The following CLIP2 variants were observed in gnomAD, a reference collection of about 807,000 sequenced individuals.
The protein encoded by CLIP2 is CAP-Gly domain containing linker protein 2.
CLIP2 carries 41 observed loss-of-function variants against 111.7 expected under a neutral mutation model. That is an observed-to-expected ratio of 0.37 (90% CI 0.29 to 0.48). The LOEUF (loss-of-function observed/expected upper bound fraction) is 0.48, where lower values mean the gene tolerates loss of function less well. CLIP2 is among the 20% of genes least tolerant of loss of function. The probability of loss-of-function intolerance (pLI) is 0.99; values close to 1 mark genes in which losing one functional copy is unlikely to be tolerated. For synonymous variants in CLIP2, 660 were observed against 644.2 expected (o/e 1.02, Z -0.37); for missense variants, 1,160 against 1,422.1 (o/e 0.82, Z 2.96).
In CLIP2 at chr7:74,386,525, G is replaced by A. The variant is rs1391357663; in HGVS notation, c.2484G>A (p.Leu828=). 1.9e-6 allele frequency: 3 copies of A among 1,611,420 alleles called. No homozygotes were observed. Among genetic ancestry groups the A allele is most frequent in the Non-Finnish European group, 2.5e-6 (3 of 1,178,744 alleles). Residue 828 remains leucine (L), a synonymous_variant, in exon 12 of 17, where the codon CTG becomes CTA. Transcript: ENST00000223398. ...TIRTKETVEG[L]QDKLNKRDKE... The stretch of plus-strand genomic sequence containing the variant: ...CGTCTCTCCTCTCTCCCCTAGGCCT[G>A]CAGGACAAGCTGAACAAGAGGGACA...
At chr7:74,388,787 T>A (rs1791192118) in intron 12 of CLIP2, 1 of 196,960 alleles carries the variant, frequency 5.1e-6, no homozygotes, top group Non-Finnish European at 1.0e-5. Flanking sequence ...AGAGTGAGAC[T>A]TTGTCTCCAA....
intron 1 of CLIP2, among the ~76,000 whole-genome samples, chr7:74,309,813 C>T (rs1393792099): frequency 3.8e-5 from 5 of 130,948 alleles, no homozygotes; most frequent in Admixed American, 8.3e-5. Context: ...GGTGACAGAG[C>T]GAGACTCCAT....
At chr7:74,327,338 A>G (rs1184844065) in intron 2 of CLIP2, among the ~76,000 whole-genome samples, 2 of 151,212 alleles carry the variant, frequency 1.3e-5, no homozygotes, top group Non-Finnish European at 3.0e-5. Flanking sequence ...CCTGATCTCA[A>G]GTGATCCACC....
At chr7:74,385,092 C>T (rs1791048569) in intron 11 of CLIP2, among the ~76,000 whole-genome samples, 1 of 114,502 alleles carries the variant, frequency 8.7e-6, no homozygotes, top group African/African-American at 3.5e-5. Flanking sequence ...GCCTGGCGGA[C>T]ATGGTGAAAC....
chr7:74,362,961 A>G (rs1348914357), intron 7 of CLIP2, among the ~76,000 whole-genome samples: 2 of 150,618 alleles, frequency 1.3e-5, no homozygotes, highest in East Asian at 2.0e-4. Context: ...CCTCATTGCT[A>G]TGCCGAGAGC....
At chr7:74,401,649 T>C (rs1554317702) in intron 16 of CLIP2, 82 bp downstream of exon 16, 4 of 1,383,440 alleles carry the variant, frequency 2.9e-6, no homozygotes, top group Non-Finnish European at 4.0e-6. Flanking sequence ...TCACTAAGAA[T>C]ACACACAAAG....
intron 2 of CLIP2, among the ~76,000 whole-genome samples, chr7:74,335,805 C>T (rs1337846531): frequency 6.6e-6 from 1 of 150,452 alleles, no homozygotes; most frequent in East Asian, 1.9e-4. Flanking sequence ...TGCAGTGACG[C>T]GATCTCGGCT....
intron 2 of CLIP2, among the ~76,000 whole-genome samples, chr7:74,319,787 C>T (rs556041698): frequency 3.8e-4 from 58 of 151,006 alleles, no homozygotes; most frequent in Non-Finnish European, 8.3e-4. Context: ...CACCGCTGCA[C>T]TCCAGCCTGA....
chr7:74,323,162 G>A (rs1216674016), intron 2 of CLIP2, among the ~76,000 whole-genome samples: 5 of 151,606 alleles, frequency 3.3e-5, no homozygotes, highest in African/African-American at 1.2e-4. Context: ...CCAGGCTGGA[G>A]TGCAGTGGCG....
chr7:74,338,704 C>T lies in CLIP2; in HGVS notation c.378C>T (p.Gly126=), dbSNP rs781823126. ...PVGKNDGAVG[G]VRYFECPALQ... is the part of the protein sequence containing the mutation. ...GCAAGAATGATGGCGCGGTGGGCGGCGTGCGCTACTTCGAGTGCCCGGCCC... is the reference window on the plus strand; with the variant it reads ...GCAAGAATGATGGCGCGGTGGGCGGTGTGCGCTACTTCGAGTGCCCGGCCC... Residue 126 remains glycine, a synonymous_variant, in exon 3 of 17, where the codon GGC becomes GGT. Coordinates refer to ENST00000223398, the MANE Select transcript of CLIP2 (RefSeq NM_003388.5). The surrounding 1 kb of genome is among the most constrained non-coding windows in gnomAD (Gnocchi z 4.3). The T allele has an allele frequency of 1.1e-5, 18 of 1,586,140 alleles. No individual in the cohort carries two copies. Among genetic ancestry groups the T allele is most frequent in the Admixed American group, 1.1e-4 (6 of 56,468 alleles).
chr7:74,343,491 C>T (rs1328839375), intron 3 of CLIP2, among the ~76,000 whole-genome samples: 1 of 151,940 alleles, frequency 6.6e-6, no homozygotes, highest in Admixed American at 6.6e-5. Context: ...AGAGCCTCAT[C>T]TTCATTCATT....
chr7:74,383,103 CAATT>C (rs1305785696), intron 11 of CLIP2, among the ~76,000 whole-genome samples: 1 of 146,040 alleles, frequency 6.8e-6, no homozygotes, highest in Non-Finnish European at 1.5e-5. Context: ...AAAAAAAAAT[CAATT>C]CTTTTTTAGT....
chr7:74,360,375 G>T, intron 7 of CLIP2, 97 bp downstream of exon 7: 1 of 846,820 alleles, frequency 1.2e-6, no homozygotes, highest in South Asian at 1.6e-5. Context: ...TTCCAGTCCT[G>T]CCCCTGTCAC....
rs534237055 is a variant in CLIP2, at chr7:74,348,883, A to G, written c.679-4997A>G. On this transcript the variant is annotated intron_variant, in intron 3 of 16. Transcript: ENST00000223398. ...ACAAGTAGGTCAGGCGTGATGGCTCATGCCTGTAATCCCAGTACTTTGGGA... is the reference window on the plus strand; with the variant it reads ...ACAAGTAGGTCAGGCGTGATGGCTCGTGCCTGTAATCCCAGTACTTTGGGA... Among the ~76,000 whole-genome samples, 311 of 152,146 alleles carry G rather than the reference A, an allele frequency of 2.0e-3. 1 individual carries two copies. Among genetic ancestry groups the G allele is most frequent in the South Asian group, 5.4e-3 (26 of 4,818 alleles).
chr7:74,347,666 T>C (rs1177321698), intron 3 of CLIP2, among the ~76,000 whole-genome samples: 6 of 152,178 alleles, frequency 3.9e-5, no homozygotes, highest in Non-Finnish European at 7.3e-5. Context: ...AGGAAACTTC[T>C]CTGGAGAAAA....
intron 13 of CLIP2, among the ~76,000 whole-genome samples, chr7:74,394,775 A>G (rs1486749695): frequency 6.6e-6 from 1 of 152,218 alleles, no homozygotes; most frequent in African/African-American, 2.4e-5. Context: ...CCCTCTGCAG[A>G]TGCAGCCTGT....
intron 2 of CLIP2, among the ~76,000 whole-genome samples, chr7:74,336,955 G>A (rs797043019): frequency 7.3e-5 from 11 of 149,754 alleles, no homozygotes; most frequent in African/African-American, 2.5e-4. Flanking sequence ...GTGCTGTCTC[G>A]GCTCACTGTA....
At chr7:74,351,844 T>TAAATA (rs1323512647) in intron 3 of CLIP2, among the ~76,000 whole-genome samples, 16 of 151,220 alleles carry the variant, frequency 1.1e-4, no homozygotes, top group South Asian at 1.0e-3. Context: ...TCAAAATAAA[T>TAAATA]AAATAAAATA....
rs571139366 is a variant in CLIP2 at position 74,360,039 on chromosome 7, C to T, written c.1216-136C>T. On this transcript the variant is annotated intron_variant, in intron 6 of 16. Transcript: ENST00000223398. ...CACACCTAGGCCCACTGTGCATGCC[C>T]GGCAGGTGCCAGCAGGGAAGTTGGG... 1,221 of 655,570 alleles carry T rather than the reference C, an allele frequency of 1.9e-3. 1 individual carries two copies. The highest frequency in any genetic ancestry group is 2.7e-3 in the Non-Finnish European group (1,026 of 383,264). The allele number at this position is 655,570 out of a possible 1,614,324, so 40.6% of individuals were successfully genotyped here.
Sources: allele counts gnomAD v4.1 joint callset (sites outside exome capture counted in the v4.1 genomes callset), GRCh38; gene constraint gnomAD v4.1.1; non-coding constraint Gnocchi (gnomAD v3.1); transcripts MANE v1.5; gene names NCBI Gene and HGNC (gene_info 2026-07-23, HGNC 2026-07-21).